LINGO2: variants seen among roughly 807,000 people sequenced by gnomAD.
LINGO2 encodes leucine rich repeat and Ig domain containing 2.
A neutral mutation model predicts 30.6 loss-of-function variants in LINGO2; 14 were observed. The ratio of observed to expected loss-of-function variants is 0.46; its 90% CI spans 0.30 to 0.72. LINGO2 has a LOEUF of 0.72. LINGO2 is among the 30% of genes least tolerant of loss of function. LINGO2 has a pLI of 0.07. For missense variants in LINGO2, 729 were observed against 751.7 expected (o/e 0.97, Z 0.35); for synonymous variants, 317 against 288.5 (o/e 1.10, Z -1.00).
At chr9:29,046,954 C>T in the LINGO2 span, among the ~76,000 whole-genome samples, 1 of 55,406 alleles carries the variant, frequency 1.8e-5, no homozygotes, top group Non-Finnish European at 4.1e-5. Flanking sequence ...TGGCACGCTC[C>T]TGTAGTCCTA....
intron 5 of LINGO2, among the ~76,000 whole-genome samples, chr9:27,960,613 TC>T (rs1454094843): frequency 1.5e-5 from 2 of 137,614 alleles, no homozygotes; most frequent in Admixed American, 7.0e-5. Context: ...TTGTGGTATA[TC>T]TTTTTTTTTT....
chr9:28,283,882 T>C (rs1334145061), intron 4 of LINGO2, among the ~76,000 whole-genome samples: 1 of 152,154 alleles, frequency 6.6e-6, no homozygotes, highest in Non-Finnish European at 1.5e-5. Flanking sequence ...CCTTACCTAT[T>C]TCTGAAGAAG....
intron 4 of LINGO2, among the ~76,000 whole-genome samples, chr9:28,068,102 A>G (rs1268435028): frequency 1.3e-5 from 2 of 152,054 alleles, no homozygotes; most frequent in Non-Finnish European, 2.9e-5. Context: ...TTTTGATTGG[A>G]TCCCCAAATT....
the LINGO2 span, among the ~76,000 whole-genome samples, chr9:28,760,231 C>T: frequency 6.6e-6 from 1 of 151,924 alleles, no homozygotes; most frequent in African/African-American, 2.4e-5. Context: ...TAAATAATTT[C>T]TTTCAAAAAA....
the LINGO2 span, among the ~76,000 whole-genome samples, chr9:28,997,241 C>A: frequency 0.46 from 69,265 of 151,616 alleles, 16,479 homozygotes; most frequent in Middle Eastern, 0.53. Context: ...CCAGCCTGGG[C>A]AACACAGTGA....
chr9:28,052,807 C>T (rs1461509321), intron 4 of LINGO2, among the ~76,000 whole-genome samples: 1 of 152,050 alleles, frequency 6.6e-6, no homozygotes, highest in Non-Finnish European at 1.5e-5. Flanking sequence ...TGACATTTGG[C>T]ATCAAAGGGT....
chr9:28,221,824 C>A (rs1389886982), intron 4 of LINGO2, among the ~76,000 whole-genome samples: 2 of 152,158 alleles, frequency 1.3e-5, no homozygotes, highest in Non-Finnish European at 2.9e-5. Flanking sequence ...TTATCCATGA[C>A]TTTAAGATAT....
At chr9:29,087,473 A>T in the LINGO2 span, among the ~76,000 whole-genome samples, 1 of 152,196 alleles carries the variant, frequency 6.6e-6, no homozygotes, top group Non-Finnish European at 1.5e-5. Context: ...ATAGTAGGTA[A>T]CTTTCCCATG....
chr9:28,328,583 T>C (rs1825311606), intron 3 of LINGO2, among the ~76,000 whole-genome samples: 1 of 149,980 alleles, frequency 6.7e-6, no homozygotes, highest in Non-Finnish European at 1.5e-5. Context: ...ATGACGGAAA[T>C]AATTTAGAAT....
chr9:28,103,880 T>A (rs1446984533), intron 4 of LINGO2, among the ~76,000 whole-genome samples: 2 of 152,176 alleles, frequency 1.3e-5, no homozygotes. Flanking sequence ...TTTTCTTTGC[T>A]CTGGAAACAA....
At chr9:28,571,457 C>T (rs1823686235) in intron 1 of LINGO2, among the ~76,000 whole-genome samples, 1 of 151,994 alleles carries the variant, frequency 6.6e-6, no homozygotes, top group Admixed American at 6.6e-5. Context: ...TTATCACATG[C>T]TGAGTGCCCT....
intron 4 of LINGO2, among the ~76,000 whole-genome samples, chr9:28,082,763 TTCTC>T (rs1267726866): frequency 6.6e-6 from 1 of 152,142 alleles, no homozygotes; most frequent in African/African-American, 2.4e-5. Context: ...CTGGATCTCT[TTCTC>T]TCCCTCTGCG....
chr9:29,054,199 A>G, the LINGO2 span, among the ~76,000 whole-genome samples: 34 of 152,272 alleles, frequency 2.2e-4, no homozygotes, highest in African/African-American at 7.5e-4. Flanking sequence ...TAGCAGCCCA[A>G]TTGTACAACA....
the LINGO2 span, among the ~76,000 whole-genome samples, chr9:29,130,618 T>G: frequency 2.0e-5 from 3 of 152,130 alleles, no homozygotes; most frequent in Admixed American, 6.6e-5. Context: ...ATCTAATTAC[T>G]GATGCAGAAA....
chr9:28,510,760 C>G (rs1162754977), intron 1 of LINGO2, among the ~76,000 whole-genome samples: 1 of 151,760 alleles, frequency 6.6e-6, no homozygotes, highest in East Asian at 1.9e-4. Context: ...GGGACCTTGA[C>G]TATATATTTA....
intron 4 of LINGO2, among the ~76,000 whole-genome samples, chr9:28,218,170 T>C (rs1820834588): frequency 1.4e-5 from 2 of 141,494 alleles, no homozygotes; most frequent in Admixed American, 6.9e-5. Flanking sequence ...TAATACTAAA[T>C]ATAGTATCAA....
chr9:28,641,699 A>T lies in LINGO2; in HGVS notation c.-365+28501T>A, dbSNP rs143521260. 3.9e-3 allele frequency among the ~76,000 whole-genome samples: 596 copies of T among 152,338 alleles called. 3 individuals carry two copies. The highest frequency in any genetic ancestry group is 0.013 in the African/African-American group (543 of 41,588). On this transcript the variant is annotated intron_variant, in intron 1 of 5. Coordinates refer to ENST00000379992, the Ensembl canonical transcript of LINGO2. ...AAATTTAAATAAGATATACCAAGAG[A>T]TAAAGATGCGGCAAGAAAGTTTACA... is the stretch of plus-strand genomic sequence containing the variant.
chr9:28,970,312 C>G, the LINGO2 span, among the ~76,000 whole-genome samples: 3 of 152,138 alleles, frequency 2.0e-5, no homozygotes, highest in African/African-American at 7.2e-5. Flanking sequence ...CAAAACCTCA[C>G]CTTGGAGTAG....
intron 4 of LINGO2, among the ~76,000 whole-genome samples, chr9:28,223,962 A>T (rs1324650327): frequency 3.3e-5 from 5 of 152,232 alleles, no homozygotes; most frequent in African/African-American, 1.2e-4. Flanking sequence ...AATTATATTG[A>T]CTGGGTTGAT....
Sources: gnomAD v4.1 joint callset for allele counts (sites outside exome capture counted in the v4.1 genomes callset) on GRCh38, gnomAD v4.1.1 for gene constraint, MANE v1.5 for transcripts, NCBI Gene and HGNC (gene_info 2026-07-23, HGNC 2026-07-21) for gene names.